GNG4: variants seen among roughly 807,000 people sequenced by gnomAD.
GNG4 encodes the protein guanine nucleotide-binding protein G(I)/G(S)/G(O) subunit gamma-4.
In GNG4, 4 loss-of-function variants were observed where a neutral mutation model predicts 5.8. The observed-to-expected ratio is 0.69, with a 90% CI of 0.34 to 1.57. The LOEUF (loss-of-function observed/expected upper bound fraction) is 1.57. Ranked by LOEUF, GNG4 falls within the 40% of genes most tolerant of loss-of-function variation. The probability of loss-of-function intolerance (pLI) is 0.06; values close to 1 mark genes in which losing one functional copy is unlikely to be tolerated. For synonymous variants in GNG4, 29 were observed against 32.9 expected (o/e 0.88, Z 0.41); for missense variants, 96 against 95.1 (o/e 1.01, Z -0.04).
chr1:235,638,629 A>G (rs1164467822), intron 1 of GNG4, among the ~76,000 whole-genome samples: 1 of 151,884 alleles, frequency 6.6e-6, no homozygotes, highest in Non-Finnish European at 1.5e-5. Context: ...TGCATTAGGT[A>G]TTTGTCCTAA....
intron 1 of GNG4, among the ~76,000 whole-genome samples, chr1:235,609,832 G>A (rs1348988655): frequency 2.6e-5 from 4 of 151,870 alleles, no homozygotes; most frequent in East Asian, 3.9e-4. Flanking sequence ...CTGAGATCAC[G>A]TCATTGCACA....
intron 3 of GNG4, among the ~76,000 whole-genome samples, chr1:235,574,671 A>AT (rs1265014233): frequency 1.3e-5 from 2 of 152,204 alleles, no homozygotes; most frequent in East Asian, 3.9e-4. Flanking sequence ...TGCATTTCCT[A>AT]TTTTTTTGAT....
chr1:235,573,607 C>G (rs1490990402), intron 3 of GNG4, among the ~76,000 whole-genome samples: 4 of 152,058 alleles, frequency 2.6e-5, no homozygotes. Context: ...GAAACCCCGT[C>G]TCTACTAAAA....
chr1:235,589,620 GACA>G (rs1278441895), intron 2 of GNG4, among the ~76,000 whole-genome samples: 2 of 152,220 alleles, frequency 1.3e-5, no homozygotes, highest in South Asian at 2.1e-4. Flanking sequence ...TTGTGAACCT[GACA>G]ACGTGACCTT....
intron 1 of GNG4, among the ~76,000 whole-genome samples, chr1:235,610,659 T>C (rs941621043): frequency 9.2e-5 from 14 of 152,186 alleles, no homozygotes; most frequent in Non-Finnish European, 5.9e-5. Context: ...TTATCATTTT[T>C]GATTAATTTC....
At chr1:235,641,189 C>T (rs919622195) in intron 1 of GNG4, among the ~76,000 whole-genome samples, 1 of 152,040 alleles carries the variant, frequency 6.6e-6, no homozygotes, top group African/African-American at 2.4e-5. Flanking sequence ...AGTTCCAGAC[C>T]AGCCTGGGCA....
At chr1:235,612,841 C>T (rs1434629872) in intron 1 of GNG4, among the ~76,000 whole-genome samples, 1 of 152,100 alleles carries the variant, frequency 6.6e-6, no homozygotes, top group Non-Finnish European at 1.5e-5. Context: ...TTTTAAACTA[C>T]AAAATTTATT....
At chr1:235,560,974 T>C (rs890485734) in intron 3 of GNG4, among the ~76,000 whole-genome samples, 2 of 152,338 alleles carry the variant, frequency 1.3e-5, no homozygotes, top group East Asian at 3.9e-4. Context: ...TCCATTTGTA[T>C]GTCATCTTTT....
At chr1:235,631,335 A>G (rs1489671554) in intron 1 of GNG4, among the ~76,000 whole-genome samples, 1 of 152,028 alleles carries the variant, frequency 6.6e-6, no homozygotes, top group Non-Finnish European at 1.5e-5. Context: ...TTAATGAATC[A>G]CCCTCTGCTC....
At position 235,548,362 on chromosome 1, in the gene GNG4, T is replaced by C. The variant is rs1033354364; in HGVS notation, c.*3747A>G. ...GAGACAGCTCAGCGAGTCCAAGGAG[T>C]GGAGCAGAAATGACATTCCCAGGAC... is the stretch of plus-strand genomic sequence containing the variant. On this transcript the variant is annotated 3_prime_UTR_variant, in exon 4 of 4. Coordinates refer to ENST00000391854, the MANE Select transcript of GNG4 (RefSeq NM_001098722.2). The C allele has an allele frequency of 2.6e-5, 4 of 151,376 alleles. No homozygotes were observed. Among genetic ancestry groups the C allele is most frequent in the African/African-American group, 9.7e-5 (4 of 41,084 alleles). 9.4% of individuals were successfully genotyped at this position (151,376 alleles called of 1,614,324 possible). A position where few individuals can be genotyped will look rare whatever the true frequency, so the allele number is the denominator to read the frequency against.
In GNG4 at chr1:235,568,099, T is replaced by C. The variant is rs6668598; in HGVS notation, c.99+15641A>G. On this transcript the variant is annotated intron_variant, in intron 3 of 3. Transcript: ENST00000391854. ...CCCCTGCCTTTTTGGAGACAGTCCC[T>C]TTTCTGCTGTGCTGCCCGTTGCTTC... 1.4e-3 allele frequency among the ~76,000 whole-genome samples: 214 copies of C among 152,170 alleles called. 1 individual carries two copies. The highest frequency in any genetic ancestry group is 4.8e-3 in the African/African-American group (201 of 41,502).
intron 1 of GNG4, among the ~76,000 whole-genome samples, chr1:235,647,224 T>C (rs1657533082): frequency 6.6e-6 from 1 of 152,088 alleles, no homozygotes; most frequent in Non-Finnish European, 1.5e-5. Context: ...CCTAAGTATA[T>C]CTAGAATGAA....
chr1:235,555,184 G>A (rs941497998), intron 3 of GNG4, among the ~76,000 whole-genome samples: 2 of 152,144 alleles, frequency 1.3e-5, no homozygotes, highest in African/African-American at 4.8e-5. Flanking sequence ...GAGAGGCCAG[G>A]AGACGGGGCA....
chr1:235,591,420 G>A (rs2102951645), intron 2 of GNG4, among the ~76,000 whole-genome samples: 1 of 152,338 alleles, frequency 6.6e-6, no homozygotes, highest in East Asian at 1.9e-4. Flanking sequence ...AATGGCTTTT[G>A]CCAATGGTGC....
At chr1:235,576,088 G>A (rs536127208) in intron 3 of GNG4, among the ~76,000 whole-genome samples, 6 of 136,092 alleles carry the variant, frequency 4.4e-5, no homozygotes, top group Admixed American at 8.0e-5. Context: ...TTGAGACAGA[G>A]TCTCACTCTG....
intron 1 of GNG4, among the ~76,000 whole-genome samples, chr1:235,598,843 AGC>A (rs1453219089): frequency 6.6e-6 from 1 of 151,722 alleles, no homozygotes; most frequent in Non-Finnish European, 1.5e-5. Flanking sequence ...CTCCTGCCTC[AGC>A]CTCCCAAGTA....
At chr1:235,621,987 T>A (rs552394109) in intron 1 of GNG4, among the ~76,000 whole-genome samples, 2 of 152,154 alleles carry the variant, frequency 1.3e-5, no homozygotes, top group Non-Finnish European at 2.9e-5. Flanking sequence ...TCCAGCACAT[T>A]GTTTTAAAAA....
intron 3 of GNG4, among the ~76,000 whole-genome samples, chr1:235,573,636 G>C (rs980587376): frequency 1.3e-5 from 2 of 152,028 alleles, no homozygotes; most frequent in Non-Finnish European, 2.9e-5. Flanking sequence ...AATTAGCCGG[G>C]TGTGGTGGCG....
chr1:235,638,112 AC>A (rs1657184970), intron 1 of GNG4, among the ~76,000 whole-genome samples: 1 of 152,126 alleles, frequency 6.6e-6, no homozygotes, highest in Admixed American at 6.5e-5. Context: ...CTGTTTTTAA[AC>A]CCCTTCCAGG....
Sources: gnomAD v4.1 joint callset for allele counts (sites outside exome capture counted in the v4.1 genomes callset) on GRCh38, gnomAD v4.1.1 for gene constraint, MANE v1.5 for transcripts, NCBI Gene and HGNC (gene_info 2026-07-23, HGNC 2026-07-21) for gene names.